ARHGAP31: variants seen among roughly 807,000 people sequenced by gnomAD.
ARHGAP31 encodes rho GTPase-activating protein 31.
In ARHGAP31, 34 loss-of-function variants were observed where a neutral mutation model predicts 113.9. The observed-to-expected ratio is 0.30, with a 90% confidence interval of 0.23 to 0.40. The LOEUF is 0.40. ARHGAP31 is among the 10% of genes least tolerant of loss of function. The pLI is 1.00. For missense variants in ARHGAP31, 1,548 were observed against 1,767.1 expected, an observed-to-expected ratio of 0.88 and a Z score of 2.22; for synonymous variants, 650 against 684.8, an observed-to-expected ratio of 0.95 and a Z score of 0.79.
At chr3:119,406,727 G>A (rs2080666557) in intron 10 of ARHGAP31, among the ~76,000 whole-genome samples, 1 of 152,198 alleles carries the variant, frequency 6.6e-6, no homozygotes. Context: ...CTTTGCGTGG[G>A]ACAGCCCAGA....
intron 1 of ARHGAP31, among the ~76,000 whole-genome samples, chr3:119,304,591 A>T (rs11914541): frequency 2.0e-5 from 3 of 151,954 alleles, no homozygotes; most frequent in African/African-American, 7.3e-5. Context: ...GACTGGCTGC[A>T]GTGACAGAAG....
chr3:119,363,883 T>C (rs1355170914), intron 1 of ARHGAP31, among the ~76,000 whole-genome samples: 2 of 152,202 alleles, frequency 1.3e-5, no homozygotes, highest in Admixed American at 6.5e-5. Context: ...GAGAAGCCAC[T>C]GAAGACCTCA....
At chr3:119,362,767 T>TAA (rs746820025) in intron 1 of ARHGAP31, among the ~76,000 whole-genome samples, 11 of 119,362 alleles carry the variant, frequency 9.2e-5, no homozygotes, top group South Asian at 3.3e-4. Context: ...AAACTCTGTC[T>TAA]AAAAAAAAAA....
chr3:119,413,977 A>G lies in ARHGAP31; in HGVS notation c.2048A>G (p.Gln683Arg), dbSNP rs961909748. The G allele has an allele frequency of 1.9e-6, 3 of 1,614,150 alleles. No individual in the cohort carries two copies. The highest frequency in any genetic ancestry group is 1.7e-5 in the Admixed American group (1 of 60,026). The change falls in exon 12 of 12, where the codon CAG becomes CGG. Residue 683 changes from glutamine to arginine, a missense_variant. Gln to Arg is a conservative substitution (Grantham distance 43, BLOSUM62 1). Coordinates refer to ENST00000264245, the MANE Select transcript of ARHGAP31 (RefSeq NM_020754.4). Reference protein sequence around the residue: ...PPPALKTSPIQPILESSLGPF... With the variant: ...PPPALKTSPIRPILESSLGPF... ...CCTGCTCTGAAGACCAGCCCAATTCAGCCTATTCTCGAGTCGAGTCTGGGG... is the reference window on the plus strand; with the variant it reads ...CCTGCTCTGAAGACCAGCCCAATTCGGCCTATTCTCGAGTCGAGTCTGGGG...
At chr3:119,347,180 C>G (rs922057095) in intron 1 of ARHGAP31, among the ~76,000 whole-genome samples, 7 of 152,212 alleles carry the variant, frequency 4.6e-5, no homozygotes, top group African/African-American at 1.2e-4. Context: ...TGCCCATGCA[C>G]CTGGGCCCAG....
chr3:119,371,312 G>A (rs750748300), intron 3 of ARHGAP31, among the ~76,000 whole-genome samples: 1 of 152,104 alleles, frequency 6.6e-6, no homozygotes, highest in African/African-American at 2.4e-5. Flanking sequence ...CCCCTCTCCT[G>A]TTCCCTGTTA....
At chr3:119,300,259 C>A (rs932420861) in intron 1 of ARHGAP31, among the ~76,000 whole-genome samples, 1 of 152,148 alleles carries the variant, frequency 6.6e-6, no homozygotes, top group African/African-American at 2.4e-5. Context: ...ACATGGTAAA[C>A]CATAAGTGTA....
At chr3:119,300,520 C>T (rs2079571816) in intron 1 of ARHGAP31, among the ~76,000 whole-genome samples, 2 of 152,032 alleles carry the variant, frequency 1.3e-5, no homozygotes, top group Admixed American at 1.3e-4. Flanking sequence ...AATTAAAGGG[C>T]CCTCAAAAGG....
Position 119,394,651 on chromosome 3 carries a change from C to CA in ARHGAP31, c.1006+1067dup, listed in dbSNP as rs2080532447. Among the ~76,000 whole-genome samples the CA allele has an allele frequency of 3.3e-5, 5 of 151,088 alleles. No homozygotes were observed. In the East Asian group the frequency reaches 9.7e-4, roughly 29 times the overall value. On this transcript the variant is annotated intron_variant, in intron 8 of 11. Coordinates refer to ENST00000264245, the MANE Select transcript of ARHGAP31 (RefSeq NM_020754.4). The stretch of plus-strand genomic sequence containing the variant: ...TTTGACTGGATCCTGGAAAAAAAAC[C>CA]AAAAAAACAAAAAAAAGAGCTGACC...
intron 7 of ARHGAP31, among the ~76,000 whole-genome samples, chr3:119,392,305 G>T (rs1201221166): frequency 6.6e-6 from 1 of 152,122 alleles, no homozygotes; most frequent in Non-Finnish European, 1.5e-5. Context: ...AATATCAGCC[G>T]GGTGTGGTGG....
chr3:119,355,484 T>A (rs1402731916), intron 1 of ARHGAP31, among the ~76,000 whole-genome samples: 2 of 150,820 alleles, frequency 1.3e-5, no homozygotes, highest in Non-Finnish European at 2.9e-5. Context: ...TTTTTTTTTT[T>A]AATTTCTTTT....
chr3:119,325,093 A>G, intron 1 of ARHGAP31: 1 of 372,974 alleles, frequency 2.7e-6, no homozygotes, highest in Non-Finnish European at 5.4e-6. Flanking sequence ...AAATATCTTC[A>G]AGTCACAGAA....
rs567112487 is a variant in ARHGAP31 at position 119,416,478 on chromosome 3, T to C, written c.*214T>C. 349 of 645,032 alleles carry C rather than the reference T, an allele frequency of 5.4e-4. No homozygotes were observed. The highest frequency in any genetic ancestry group is 4.4e-3 in the African/African-American group (241 of 55,184). The allele number at this position is 645,032 out of a possible 1,614,324, so 40.0% of individuals were successfully genotyped here. A position where few individuals can be genotyped will look rare whatever the true frequency, so the allele number is the denominator to read the frequency against. ...GAGAGATGAAATTTAGTTAAGTCTA[T>C]GTGAGCAAGTGAGAGAAGGTTAGGT... On this transcript the variant is annotated 3_prime_UTR_variant, in exon 12 of 12. Coordinates refer to ENST00000264245, the MANE Select transcript of ARHGAP31 (RefSeq NM_020754.4).
intron 1 of ARHGAP31, among the ~76,000 whole-genome samples, chr3:119,344,053 CAA>C (rs1240697111): frequency 6.6e-6 from 1 of 151,054 alleles, no homozygotes; most frequent in Non-Finnish European, 1.5e-5. Context: ...GCCGGGGGCG[CAA>C]AGAGTGGGAA....
Position 119,402,402 on chromosome 3 carries a change from G to A in ARHGAP31, c.1645+5G>A, listed in dbSNP as rs2107641110. On this transcript the variant is annotated splice_donor_5th_base_variant and intron_variant, in intron 10 of 11. Coordinates refer to ENST00000264245, the MANE Select transcript of ARHGAP31 (RefSeq NM_020754.4). ...TGGGAGCTGAGACTTCTGCAGGTAA[G>A]TAGAGGAGAGAGGGTATCTTTCCGT... 1 of 1,612,110 alleles carries A rather than the reference G, an allele frequency of 6.2e-7. No homozygotes were observed. Among genetic ancestry groups the A allele is most frequent in the Non-Finnish European group, 8.5e-7 (1 of 1,179,068 alleles).
chr3:119,316,499 A>G (rs1019779890), intron 1 of ARHGAP31, among the ~76,000 whole-genome samples: 2 of 152,240 alleles, frequency 1.3e-5, no homozygotes, highest in African/African-American at 4.8e-5. Context: ...AAAGATAGGT[A>G]ATCAGGTTTC....
Position 119,321,295 on chromosome 3 carries a change from AG to A in ARHGAP31, c.100+26292del, listed in dbSNP as rs1236108463. The stretch of plus-strand genomic sequence containing the variant: ...ATATATATACTATATATATATATAT[AG>A]TATATATATATGTATTATGTATATA... On this transcript the variant is annotated intron_variant, in intron 1 of 11. Transcript: ENST00000264245. Among the ~76,000 whole-genome samples the A allele has an allele frequency of 9.9e-3, 1,400 of 140,896 alleles. 19 individuals are homozygous for A. The highest frequency in any genetic ancestry group is 0.034 in the African/African-American group (1,337 of 38,856). 92.4% of individuals were successfully genotyped at this position (140,896 alleles called of 152,430 possible).
intron 1 of ARHGAP31, among the ~76,000 whole-genome samples, chr3:119,303,388 C>T (rs942677207): frequency 6.6e-6 from 1 of 152,224 alleles, no homozygotes; most frequent in East Asian, 1.9e-4. Context: ...GAAACACTGC[C>T]TTTTCCTAGT....
intron 6 of ARHGAP31, among the ~76,000 whole-genome samples, chr3:119,387,685 C>G (rs2080465131): frequency 6.6e-6 from 1 of 152,082 alleles, no homozygotes; most frequent in South Asian, 2.1e-4. Flanking sequence ...CTAATATTCA[C>G]TAAAAAATAA....
Sources: allele counts gnomAD v4.1 joint callset (sites outside exome capture counted in the v4.1 genomes callset), GRCh38; gene constraint gnomAD v4.1.1; transcripts MANE v1.5; gene names NCBI Gene and HGNC (gene_info 2026-07-23, HGNC 2026-07-21).